Variants in HTR1E observed in about 807,000 individuals in gnomAD.
The protein encoded by HTR1E is 5-HT-1E.
A neutral mutation model predicts 3.4 loss-of-function variants in HTR1E; 3 were observed. The ratio of observed to expected loss-of-function variants is 0.89; its 90% CI spans 0.41 to 2.31. HTR1E has a LOEUF of 2.31. Among genes scored for constraint, HTR1E ranks in the 30% most tolerant of loss-of-function variants. HTR1E has a pLI of 0.05. For missense variants in HTR1E, 392 were observed against 467.0 expected, an observed-to-expected ratio of 0.84 and a Z score of 1.48; for synonymous variants, 170 against 182.8, an observed-to-expected ratio of 0.93 and a Z score of 0.56.
chr6:87,005,291 A>G (rs1285677556), intron 1 of HTR1E, among the ~76,000 whole-genome samples: 3 of 152,196 alleles, frequency 2.0e-5, no homozygotes, highest in African/African-American at 7.2e-5. Flanking sequence ...AGCCATTCTG[A>G]GCAATAAGAA....
At chr6:86,987,838 T>G (rs1425926499) in intron 1 of HTR1E, among the ~76,000 whole-genome samples, 1 of 152,140 alleles carries the variant, frequency 6.6e-6, no homozygotes, top group Admixed American at 6.6e-5. Flanking sequence ...GCTCACCAAA[T>G]GTGTGAAACC....
chr6:86,995,216 C>T (rs1205516387), intron 1 of HTR1E, among the ~76,000 whole-genome samples: 2 of 151,456 alleles, frequency 1.3e-5, no homozygotes, highest in Non-Finnish European at 2.9e-5. Context: ...TTTGGGAGGC[C>T]GAGGCAGGAG....
chr6:87,004,728 G>A (rs1033665218), intron 1 of HTR1E, among the ~76,000 whole-genome samples: 3 of 152,050 alleles, frequency 2.0e-5, no homozygotes, highest in Non-Finnish European at 4.4e-5. Flanking sequence ...ACATAGTGCT[G>A]GAAGTCCTAG....
intron 1 of HTR1E, among the ~76,000 whole-genome samples, chr6:87,005,466 G>T (rs1033242125): frequency 1.3e-5 from 2 of 152,072 alleles, no homozygotes; most frequent in African/African-American, 4.8e-5. Flanking sequence ...TTTGACAAAA[G>T]TGCTGAGAAC....
At chr6:86,975,922 C>T (rs1365137479) in intron 1 of HTR1E, among the ~76,000 whole-genome samples, 3 of 96,386 alleles carry the variant, frequency 3.1e-5, no homozygotes, top group African/African-American at 1.5e-4. Context: ...CTCTGAGACA[C>T]ACACACACAC....
At chr6:86,953,556 G>T (rs1450737406) in intron 1 of HTR1E, among the ~76,000 whole-genome samples, 1 of 152,128 alleles carries the variant, frequency 6.6e-6, no homozygotes, top group African/African-American at 2.4e-5. Context: ...GCTACACTAG[G>T]CATCTTCACA....
intron 1 of HTR1E, among the ~76,000 whole-genome samples, chr6:87,008,723 G>A (rs955645477): frequency 4.6e-5 from 7 of 152,096 alleles, no homozygotes; most frequent in African/African-American, 1.7e-4. Context: ...ACATGAAACA[G>A]AATTCCAGGC....
intron 1 of HTR1E, among the ~76,000 whole-genome samples, chr6:87,008,772 T>A (rs1350863981): frequency 2.6e-5 from 4 of 152,206 alleles, no homozygotes; most frequent in Admixed American, 2.6e-4. Context: ...TTTTTAAACC[T>A]CTTAAATTAA....
intron 1 of HTR1E, among the ~76,000 whole-genome samples, chr6:87,010,493 T>C: frequency 7.0e-6 from 1 of 143,616 alleles, no homozygotes; most frequent in Non-Finnish European, 1.5e-5. Context: ...GCAGAGGCGC[T>C]CCTCACATCC....
intron 1 of HTR1E, among the ~76,000 whole-genome samples, chr6:87,007,349 A>T (rs1641044503): frequency 6.6e-6 from 1 of 152,162 alleles, no homozygotes; most frequent in African/African-American, 2.4e-5. Flanking sequence ...GGGGGTGGAG[A>T]GAATGGGGAT....
At chr6:86,961,338 A>G (rs1026818346) in intron 1 of HTR1E, among the ~76,000 whole-genome samples, 1 of 152,236 alleles carries the variant, frequency 6.6e-6, no homozygotes, top group African/African-American at 2.4e-5. Flanking sequence ...ATATATGTTC[A>G]TAATGTCAGG....
At chr6:86,938,707 C>T (rs1203218724) in intron 1 of HTR1E, among the ~76,000 whole-genome samples, 1 of 152,150 alleles carries the variant, frequency 6.6e-6, no homozygotes, top group Non-Finnish European at 1.5e-5. Flanking sequence ...TTGCCTCCTG[C>T]ACCAAATCTC....
intron 1 of HTR1E, among the ~76,000 whole-genome samples, chr6:86,980,695 A>G (rs549153231): frequency 1.3e-5 from 2 of 152,296 alleles, no homozygotes; most frequent in Non-Finnish European, 1.5e-5. Flanking sequence ...TAGTAAAGCT[A>G]ATTTTTCCCC....
At chr6:86,943,540 A>G (rs1768572824) in intron 1 of HTR1E, among the ~76,000 whole-genome samples, 1 of 152,194 alleles carries the variant, frequency 6.6e-6, no homozygotes, top group Non-Finnish European at 1.5e-5. Context: ...CTTTCAGGGA[A>G]GTTTCTCAAA....
chr6:86,962,479 C>A (rs1354744585), intron 1 of HTR1E, among the ~76,000 whole-genome samples: 2 of 152,294 alleles, frequency 1.3e-5, no homozygotes, highest in Non-Finnish European at 2.9e-5. Context: ...AACATCATGG[C>A]ACAATGCATT....
At chr6:86,939,921 A>G (rs1046732946) in intron 1 of HTR1E, among the ~76,000 whole-genome samples, 7 of 152,186 alleles carry the variant, frequency 4.6e-5, no homozygotes, top group African/African-American at 1.7e-4. Flanking sequence ...TATACAAAAT[A>G]TTTGCTCCCC....
At chr6:86,983,681 C>CAAAG (rs1296786511) in intron 1 of HTR1E, among the ~76,000 whole-genome samples, 1 of 152,038 alleles carries the variant, frequency 6.6e-6, no homozygotes, top group Non-Finnish European at 1.5e-5. Flanking sequence ...GTTTCCAACA[C>CAAAG]AAAGAAATTA....
intron 1 of HTR1E, among the ~76,000 whole-genome samples, chr6:86,952,517 A>G (rs1767261269): frequency 6.6e-6 from 1 of 151,772 alleles, no homozygotes; most frequent in Non-Finnish European, 1.5e-5. Flanking sequence ...ACACACACAC[A>G]CACACCCCTA....
rs191605686 is a variant in HTR1E at position 86,945,589 on chromosome 6, G to A, written c.-186+7766G>A. On this transcript the variant is annotated intron_variant, in intron 1 of 1. Coordinates refer to ENST00000305344, the MANE Select transcript of HTR1E (RefSeq NM_000865.3). ...GAAAAAATTTAAAGTTTTAAAAATA[G>A]AAAAAAGTTTATAAAATAATGTTAT... Among the ~76,000 whole-genome samples, 713 of 152,052 alleles carry A rather than the reference G, an allele frequency of 4.7e-3. 6 individuals are homozygous for A. The highest frequency in any genetic ancestry group is 0.016 in the African/African-American group (679 of 41,470).
Sources: allele counts gnomAD v4.1 joint callset (sites outside exome capture counted in the v4.1 genomes callset), GRCh38; gene constraint gnomAD v4.1.1; transcripts MANE v1.5; gene names NCBI Gene and HGNC (gene_info 2026-07-23, HGNC 2026-07-21).